Variants in RPH3A observed in about 807,000 individuals in gnomAD.
RPH3A encodes the protein rabphilin-3A.
Under a neutral mutation model 102.2 loss-of-function variants are expected in RPH3A, and 48 were observed. The observed-to-expected ratio is 0.47, with a 90% CI of 0.37 to 0.60. The LOEUF (loss-of-function observed/expected upper bound fraction) is 0.60, where lower values mean the gene tolerates loss of function less well. Ranked by LOEUF, RPH3A falls within the 20% of genes least tolerant of loss-of-function variation. RPH3A has a pLI of 0.00. For synonymous variants in RPH3A, 310 were observed against 324.3 expected (o/e 0.96, Z 0.47); for missense variants, 781 against 910.1 (o/e 0.86, Z 1.83).
At chr12:112,644,469 T>A (rs888312583) in intron 1 of RPH3A, among the ~76,000 whole-genome samples, 9 of 152,146 alleles carry the variant, frequency 5.9e-5, no homozygotes, top group African/African-American at 2.2e-4. Flanking sequence ...CCTGATGGCA[T>A]GAATGCCCTG....
intron 1 of RPH3A, among the ~76,000 whole-genome samples, chr12:112,661,090 C>T (rs994534381): frequency 2.0e-5 from 3 of 152,012 alleles, no homozygotes; most frequent in East Asian, 1.9e-4. Context: ...TCAGAGGGTT[C>T]GTGTGAAGAG....
chr12:112,780,060 G>T (rs1231934041), intron 1 of RPH3A, among the ~76,000 whole-genome samples: 1 of 152,156 alleles, frequency 6.6e-6, no homozygotes, highest in African/African-American at 2.4e-5. Flanking sequence ...ACACGGCCCT[G>T]CTGAGGTCTT....
At chr12:112,769,823 T>A (rs1323066667) in intron 1 of RPH3A, among the ~76,000 whole-genome samples, 1 of 152,206 alleles carries the variant, frequency 6.6e-6, no homozygotes, top group Admixed American at 6.5e-5. Flanking sequence ...AATACAGAAA[T>A]ACATTCTTAT....
intron 5 of RPH3A, among the ~76,000 whole-genome samples, chr12:112,857,876 C>A (rs1222746590): frequency 2.6e-5 from 4 of 152,134 alleles, no homozygotes; most frequent in Admixed American, 6.5e-5. Context: ...ACAGAAAGAC[C>A]AGAAACCTGC....
At chr12:112,762,334 C>A (rs762029253) in intron 1 of RPH3A, among the ~76,000 whole-genome samples, 1 of 152,194 alleles carries the variant, frequency 6.6e-6, no homozygotes, top group East Asian at 1.9e-4. Context: ...GGAAGTTTAG[C>A]CTCCTCCATT....
chr12:112,775,615 G>A (rs574353751), intron 1 of RPH3A, among the ~76,000 whole-genome samples: 48 of 152,302 alleles, frequency 3.2e-4, no homozygotes, highest in Admixed American at 9.8e-4. Flanking sequence ...TTCTAAACTA[G>A]CAGTGGGAGA....
At chr12:112,774,412 C>T (rs972268219) in intron 1 of RPH3A, among the ~76,000 whole-genome samples, 24 of 152,130 alleles carry the variant, frequency 1.6e-4, no homozygotes, top group Non-Finnish European at 3.4e-4. Context: ...TGCCAGTGTC[C>T]TGGATATAGA....
chr12:112,858,535 C>T (rs1323009346), intron 5 of RPH3A, among the ~76,000 whole-genome samples: 1 of 152,196 alleles, frequency 6.6e-6, no homozygotes, highest in Admixed American at 6.5e-5. Context: ...GTTCCTGTCT[C>T]TCTCTTGTGA....
chr12:112,891,570 C>T (rs1034460965), intron 19 of RPH3A, among the ~76,000 whole-genome samples: 1 of 152,096 alleles, frequency 6.6e-6, no homozygotes, highest in Non-Finnish European at 1.5e-5. Flanking sequence ...TGCAGGGAGT[C>T]AGGGGAGAAA....
At position 112,858,641 on chromosome 12, in the gene RPH3A, C is replaced by T. The variant is rs572537539; in HGVS notation, c.231-6773C>T. Among the ~76,000 whole-genome samples the T allele has an allele frequency of 8.6e-4, 131 of 152,344 alleles. 4 individuals are homozygous for T. The highest frequency in any genetic ancestry group is 2.8e-3 in the African/African-American group (118 of 41,572). On this transcript the variant is annotated intron_variant, in intron 5 of 21. Transcript: ENST00000389385. ...AACAATGTCCGATCTCTCACTTGAA[C>T]GCCAGCTCCATGAGGGCAGTGATCT...
At chr12:112,602,215 G>A (rs2039564463) in intron 1 of RPH3A, among the ~76,000 whole-genome samples, 1 of 152,078 alleles carries the variant, frequency 6.6e-6, no homozygotes, top group African/African-American at 2.4e-5. Flanking sequence ...GGTTTTGTTG[G>A]CCTCTTTAAC....
chr12:112,813,722 A>G (rs1240181469), intron 2 of RPH3A, among the ~76,000 whole-genome samples: 1 of 150,052 alleles, frequency 6.7e-6, no homozygotes, highest in East Asian at 2.1e-4. Context: ...TGCAACCTCA[A>G]AAAAACCCAC....
chr12:112,627,344 T>G (rs2039774270), intron 1 of RPH3A, among the ~76,000 whole-genome samples: 1 of 149,412 alleles, frequency 6.7e-6, no homozygotes, highest in Admixed American at 6.7e-5. Context: ...CCTGTCATTA[T>G]GTACTATATA....
At chr12:112,794,261 T>G (rs1193065143) in intron 2 of RPH3A, among the ~76,000 whole-genome samples, 1 of 152,242 alleles carries the variant, frequency 6.6e-6, no homozygotes, top group African/African-American at 2.4e-5. Context: ...TGGGGCAGTC[T>G]GTCTGGGTGG....
chr12:112,868,649 G>T, intron 8 of RPH3A, 54 bp downstream of exon 8: 3 of 1,567,284 alleles, frequency 1.9e-6, no homozygotes, highest in Non-Finnish European at 2.6e-6. Context: ...TAGCCAACTG[G>T]TCTACCTGAG....
chr12:112,774,758 C>G (rs757200658), intron 1 of RPH3A, among the ~76,000 whole-genome samples: 1 of 151,392 alleles, frequency 6.6e-6, no homozygotes, highest in Non-Finnish European at 1.5e-5. Context: ...AGGGGAACAA[C>G]ACACACTGGA....
chr12:112,782,191 A>G (rs543774452), intron 1 of RPH3A, among the ~76,000 whole-genome samples: 1 of 152,380 alleles, frequency 6.6e-6, no homozygotes, highest in South Asian at 2.1e-4. Context: ...GGGCTCTGAC[A>G]TCAGACAAAT....
intron 4 of RPH3A, chr12:112,841,984 G>C (rs1253268066): frequency 2.2e-6 from 1 of 455,902 alleles, no homozygotes; most frequent in African/African-American, 2.0e-5. Context: ...GCAAGGAATT[G>C]ATTTGGACAC....
At chr12:112,682,224 G>A (rs1592941315) in intron 1 of RPH3A, among the ~76,000 whole-genome samples, 1 of 152,176 alleles carries the variant, frequency 6.6e-6, no homozygotes, top group South Asian at 2.1e-4. Context: ...TATGCTGTCT[G>A]TGACATGGAG....
Sources: allele counts gnomAD v4.1 joint callset (sites outside exome capture counted in the v4.1 genomes callset), GRCh38; gene constraint gnomAD v4.1.1; transcripts MANE v1.5; gene names NCBI Gene and HGNC (gene_info 2026-07-23, HGNC 2026-07-21).